EXPH5: variants seen among roughly 807,000 people sequenced by gnomAD.
EXPH5 encodes the protein exophilin-5.
EXPH5 carries 42 observed loss-of-function variants against 41.1 expected under a neutral mutation model. That is an observed-to-expected ratio of 1.02 (90% confidence interval 0.80 to 1.32). The LOEUF (loss-of-function observed/expected upper bound fraction) is 1.32. Ranked by LOEUF, EXPH5 falls within the 40% of genes most tolerant of loss-of-function variation. EXPH5 has a pLI of 0.00. For missense variants in EXPH5, 2,298 were observed against 2,314.5 expected (o/e 0.99, Z 0.15); for synonymous variants, 798 against 833.5 (o/e 0.96, Z 0.73).
rs151119101 is a variant in EXPH5 at position 108,513,086 on chromosome 11, T to C, written c.2421A>G (p.Thr807=). 195 of 1,611,430 alleles carry C rather than the reference T, an allele frequency of 1.2e-4. No homozygotes were observed. Among genetic ancestry groups the C allele is most frequent in the Non-Finnish European group, 1.5e-4 (180 of 1,179,318 alleles). Residue 807 remains threonine, a synonymous_variant, in exon 6 of 6, where the codon ACA becomes ACG. Coordinates refer to ENST00000265843, the MANE Select transcript of EXPH5 (RefSeq NM_015065.3). ...GTTCCTGAATGAAAGGAAGGGAAGC[T>C]GTTGAGCCAAGTTTTCTGTTTTCAG... The part of the protein sequence containing the change: ...RFTENRKLGS[T]ASLPFIQEHR...
At chr11:108,571,832 G>A (rs191160346) in intron 1 of EXPH5, among the ~76,000 whole-genome samples, 8 of 152,194 alleles carry the variant, frequency 5.3e-5, no homozygotes, top group South Asian at 2.1e-4. Flanking sequence ...AGGCCAAGGC[G>A]GGCGGATCAT....
In EXPH5 at chr11:108,507,872, T is replaced by C. The variant is rs1421643105; in HGVS notation, c.*1665A>G. On this transcript the variant is annotated 3_prime_UTR_variant, in exon 6 of 6. Coordinates refer to ENST00000265843, the MANE Select transcript of EXPH5 (RefSeq NM_015065.3). Reference sequence around the variant, plus strand: ...CGTTCTACCTTGCAATTAAAGAAAATGTGGGCCAGGCACGGTGGCTCATGC... The same window carrying C: ...CGTTCTACCTTGCAATTAAAGAAAACGTGGGCCAGGCACGGTGGCTCATGC... The C allele has an allele frequency of 6.6e-6, 1 of 151,608 alleles. No individual in the cohort carries two copies. Among genetic ancestry groups the C allele is most frequent in the Non-Finnish European group, 1.5e-5 (1 of 67,932 alleles). The allele number at this position is 151,608 out of a possible 1,614,324, so 9.4% of individuals were successfully genotyped here. A position where few individuals can be genotyped will look rare whatever the true frequency, so the allele number is the denominator to read the frequency against.
chr11:108,562,034 G>A (rs916164457), intron 1 of EXPH5, among the ~76,000 whole-genome samples: 1 of 152,148 alleles, frequency 6.6e-6, no homozygotes, highest in Admixed American at 6.5e-5. Flanking sequence ...GGTTGAGGCC[G>A]TTTCCTGTGT....
chr11:108,605,861 G>A, the EXPH5 span, among the ~76,000 whole-genome samples: 1 of 152,324 alleles, frequency 6.6e-6, no homozygotes, highest in East Asian at 1.9e-4. Flanking sequence ...CAATTGTGAG[G>A]CAGGATTGCA....
intron 3 of EXPH5, chr11:108,537,978 TTCCTTGC>T: frequency 1.0e-6 from 1 of 985,428 alleles, no homozygotes; most frequent in Non-Finnish European, 1.2e-6. Context: ...TGAAGAGTAT[TTCCTTGC>T]TAGTGACTCT....
intron 1 of EXPH5, among the ~76,000 whole-genome samples, chr11:108,573,034 A>G (rs1372526499): frequency 6.6e-6 from 1 of 151,434 alleles, no homozygotes; most frequent in Non-Finnish European, 1.5e-5. Flanking sequence ...TGAATAATAT[A>G]GAGAGAACTT....
intron 1 of EXPH5, among the ~76,000 whole-genome samples, chr11:108,570,646 C>G (rs1432919927): frequency 1.3e-5 from 2 of 152,140 alleles, no homozygotes; most frequent in African/African-American, 4.8e-5. Context: ...TGTGCTCAAG[C>G]GATTCTGCCA....
intron 4 of EXPH5, among the ~76,000 whole-genome samples, chr11:108,524,959 A>G (rs1218018165): frequency 6.6e-6 from 1 of 152,028 alleles, no homozygotes; most frequent in Non-Finnish European, 1.5e-5. Context: ...TATAATTCCC[A>G]CGTGTTGTGG....
chr11:108,582,008 C>T (rs1424536070), intron 1 of EXPH5, among the ~76,000 whole-genome samples: 1 of 152,106 alleles, frequency 6.6e-6, no homozygotes, highest in African/African-American at 2.4e-5. Context: ...TAAAACCTTT[C>T]AAAAAAGAAA....
At position 108,514,863 on chromosome 11, in the gene EXPH5, A is replaced by T. The variant is rs770110995; in HGVS notation, c.644T>A (p.Leu215Ter). ...CTGTTCCTGAGCCAATTTGCTATCC[A>T]AGTCATCTAAAACTGAAAAGAGAAT... ...ENEFFQVLDD[L>*]DSKLAQEQSA... Residue 215 changes from leucine to a stop codon, truncating the protein, a stop_gained, in exon 6 of 6, where the codon TTG (leucine) becomes TAG (stop). Coordinates refer to ENST00000265843, the MANE Select transcript of EXPH5 (RefSeq NM_015065.3). LOFTEE classifies it low-confidence loss of function (END_TRUNC). The T allele has an allele frequency of 6.9e-7, 1 of 1,456,732 alleles. No individual in the cohort carries two copies. The allele number at this position is 1,456,732 out of a possible 1,614,324, so 90.2% of individuals were successfully genotyped here. A position where few individuals can be genotyped will look rare whatever the true frequency, so the allele number is the denominator to read the frequency against.
In EXPH5 at chr11:108,510,044, A is replaced by C. The variant is rs771132873; in HGVS notation, c.5463T>G (p.Ser1821=). 1 of 1,611,750 alleles carries C rather than the reference A, an allele frequency of 6.2e-7. No individual in the cohort carries two copies. The highest frequency in any genetic ancestry group is 8.5e-7 in the Non-Finnish European group (1 of 1,179,224). ...HPPKVRERHF[S]ESTSIDNALS... The stretch of plus-strand genomic sequence containing the variant: ...GGGCATTGTCAATAGAAGTGCTTTC[A>C]GAAAAATGGCGCTCCCTGACTTTTG... The change falls in exon 6 of 6, where the codon TCT becomes TCG. Residue 1821 remains serine (S), a synonymous_variant. Coordinates refer to ENST00000265843, the MANE Select transcript of EXPH5 (RefSeq NM_015065.3).
intron 1 of EXPH5, among the ~76,000 whole-genome samples, chr11:108,573,911 T>C (rs1009429562): frequency 4.6e-5 from 7 of 152,044 alleles, no homozygotes; most frequent in Non-Finnish European, 1.0e-4. Context: ...TATTTATTTA[T>C]TTATTTTTGA....
At chr11:108,573,939 T>C (rs2136104601) in intron 1 of EXPH5, among the ~76,000 whole-genome samples, 1 of 152,284 alleles carries the variant, frequency 6.6e-6, no homozygotes, top group African/African-American at 2.4e-5. Context: ...TCTCACTCTG[T>C]TGCCCAGGCT....
rs1214532400 is a variant in EXPH5 at position 108,525,860 on chromosome 11, G to A, written c.492+2276C>T. On this transcript the variant is annotated intron_variant, in intron 4 of 5. Transcript: ENST00000265843. ...ATATTACTTTAAAAATTTAGAGATA[G>A]TGCTTTCATTATTTTTTTCTTTCTC... Among the ~76,000 whole-genome samples the A allele has an allele frequency of 2.7e-5, 4 of 150,372 alleles. No homozygotes were observed. The East Asian group carries it at 7.8e-4, about 29-fold the overall frequency.
chr11:108,515,068 C>G (rs1040804673), intron 5 of EXPH5, among the ~76,000 whole-genome samples, 193 bp from the exon 6 acceptor site: 1 of 151,996 alleles, frequency 6.6e-6, no homozygotes, highest in Non-Finnish European at 1.5e-5. Flanking sequence ...GTGAAAATTT[C>G]TTTCCTACTT....
intron 1 of EXPH5, among the ~76,000 whole-genome samples, chr11:108,564,562 A>C (rs547148653): frequency 6.6e-6 from 1 of 152,332 alleles, no homozygotes; most frequent in South Asian, 2.1e-4. Flanking sequence ...TTTTAGAGTC[A>C]TAATGTTGAA....
chr11:108,528,010 G>C (rs906450877), intron 4 of EXPH5, 126 bp downstream of exon 4: 1 of 616,878 alleles, frequency 1.6e-6, no homozygotes, highest in Non-Finnish European at 2.9e-6. Context: ...CTCTTAGGGA[G>C]AAATCCAAGC....
rs2093656837 is a variant in EXPH5 at position 108,508,537 on chromosome 11, A to G, written c.*1000T>C. 6.6e-6 allele frequency: 1 copy of G among 152,580 alleles called. No homozygotes were observed. The highest frequency in any genetic ancestry group is 1.5e-5 in the Non-Finnish European group (1 of 68,352). The allele number at this position is 152,580 out of a possible 1,614,324, so 9.5% of individuals were successfully genotyped here. On this transcript the variant is annotated 3_prime_UTR_variant, in exon 6 of 6. Transcript: ENST00000265843. ...AACAAAAACAAAACAAAACCAAACA[A>G]AAAACAAAAACAAAAAAAAGAAAAT...
chr11:108,538,968 C>T lies in EXPH5; in HGVS notation c.443+56G>A, dbSNP rs61324831. The T allele has an allele frequency of 2.4e-4, 343 of 1,405,184 alleles. 6 individuals are homozygous for T. In the South Asian group the frequency reaches 4.5e-3, roughly 18 times the overall value. 87.0% of individuals were successfully genotyped at this position (1,405,184 alleles called of 1,614,324 possible). ...AACATTTTGAACACAAAACAGGCTGCTGGCCTCTGATATCGGATAACAAAT... is the reference window on the plus strand; with the variant it reads ...AACATTTTGAACACAAAACAGGCTGTTGGCCTCTGATATCGGATAACAAAT... On this transcript the variant is annotated intron_variant, in intron 3 of 5. Transcript: ENST00000265843.
Sources: gnomAD v4.1 joint callset for allele counts (sites outside exome capture counted in the v4.1 genomes callset) on GRCh38, gnomAD v4.1.1 for gene constraint, MANE v1.5 for transcripts, NCBI Gene and HGNC (gene_info 2026-07-23, HGNC 2026-07-21) for gene names.